Variants in DCT observed in about 807,000 individuals in gnomAD.
The protein encoded by DCT is dopachrome tautomerase.
In DCT, 47 loss-of-function variants were observed where a neutral mutation model predicts 53.0. That is an observed-to-expected ratio of 0.89 (90% CI 0.70 to 1.13). The LOEUF (loss-of-function observed/expected upper bound fraction) is 1.13, where lower values mean the gene tolerates loss of function less well. DCT is among the 50% of genes most tolerant of loss of function. DCT has a pLI of 0.00. For missense variants in DCT, 669 were observed against 637.4 expected, an observed-to-expected ratio of 1.05 and a Z score of -0.53; for synonymous variants, 244 against 237.0, an observed-to-expected ratio of 1.03 and a Z score of -0.27.
the DCT span, among the ~76,000 whole-genome samples, chr13:94,513,043 A>G: frequency 3.3e-5 from 5 of 152,230 alleles, no homozygotes; most frequent in African/African-American, 7.2e-5. Context: ...AGAACGTGCC[A>G]TTCTGTTAAG....
At position 94,445,744 on chromosome 13, in the gene DCT, T is replaced by C. The variant is rs566703183; in HGVS notation, c.1180-2107A>G. On this transcript the variant is annotated intron_variant, in intron 6 of 7. Transcript: ENST00000377028. ...CAGCACATGCAGGGAAGGGAGTTCC[T>C]TGGTCGCTTTCTCTTTTCTGTTGAG... 4.3e-5 allele frequency: 69 copies of C among 1,586,632 alleles called. No homozygotes were observed. The South Asian group carries it at 7.4e-4, about 17-fold the overall frequency.
Position 94,479,338 on chromosome 13 carries a change from GTCTTT to G in DCT, c.-88_-84del, listed in dbSNP as rs531317490. On this transcript the variant is annotated 5_prime_UTR_variant, in exon 1 of 8. Transcript: ENST00000377028. ...TTTCTCCTTATCTTCTACTCTTTCAGTCTTTTCTTTTCAGTATTTTTTATTTTTCT... is the reference window on the plus strand; with the variant it reads ...TTTCTCCTTATCTTCTACTCTTTCAGTCTTTTCAGTATTTTTTATTTTTCT... The G allele has an allele frequency of 3.3e-4, 403 of 1,214,614 alleles. No individual in the cohort carries two copies. Among genetic ancestry groups the G allele is most frequent in the East Asian group, 3.3e-3 (127 of 38,836 alleles). The allele number at this position is 1,214,614 out of a possible 1,614,324, so 75.2% of individuals were successfully genotyped here. A position where few individuals can be genotyped will look rare whatever the true frequency, so the allele number is the denominator to read the frequency against.
chr13:94,537,580 G>A, the DCT span, among the ~76,000 whole-genome samples: 2 of 152,108 alleles, frequency 1.3e-5, no homozygotes, highest in Admixed American at 6.5e-5. Context: ...GTGCTGCCAT[G>A]TTGAAGAAGA....
the DCT span, among the ~76,000 whole-genome samples, chr13:94,510,274 G>T: frequency 6.6e-6 from 1 of 152,148 alleles, no homozygotes; most frequent in East Asian, 1.9e-4. Context: ...TTGGACTAGG[G>T]TGCATCATGG....
chr13:94,514,830 T>C, the DCT span, among the ~76,000 whole-genome samples: 1 of 152,180 alleles, frequency 6.6e-6, no homozygotes, highest in Non-Finnish European at 1.5e-5. Flanking sequence ...TAATTACAGC[T>C]GTATTTTACA....
the DCT span, among the ~76,000 whole-genome samples, chr13:94,512,309 G>A: frequency 6.6e-6 from 1 of 152,138 alleles, no homozygotes; most frequent in African/African-American, 2.4e-5. Flanking sequence ...GCCTAGGACT[G>A]TGCTAAACAC....
the DCT span, among the ~76,000 whole-genome samples, chr13:94,512,603 A>G: frequency 6.6e-6 from 1 of 152,250 alleles, no homozygotes; most frequent in Non-Finnish European, 1.5e-5. Context: ...TCACCAAAAC[A>G]TTGACTCAGT....
chr13:94,478,965 G>A lies in DCT; in HGVS notation c.291C>T (p.Cys97=), dbSNP rs1208900164. The change falls in exon 1 of 8, where the codon TGC becomes TGT. Residue 97 remains cysteine, a synonymous_variant. Transcript: ENST00000377028. ...PRKFFHRTCK[C]TGNFAGYNCG... ...AGCTTGGAGCATGGGCCTCACCTGT[G>A]CACTTGCAGGTCCGGTGGAAGAATT... is the stretch of plus-strand genomic sequence containing the variant. 2 of 1,608,074 alleles carry A rather than the reference G, an allele frequency of 1.2e-6. No individual in the cohort carries two copies. The highest frequency in any genetic ancestry group is 2.7e-5 in the African/African-American group (2 of 74,870).
At chr13:94,452,360 C>A (rs1160364854) in intron 6 of DCT, among the ~76,000 whole-genome samples, 2 of 152,118 alleles carry the variant, frequency 1.3e-5, no homozygotes, top group African/African-American at 4.8e-5. Flanking sequence ...AAGAGAAATG[C>A]AAATTAAAAT....
the DCT span, among the ~76,000 whole-genome samples, chr13:94,509,119 T>C: frequency 2.0e-5 from 3 of 152,144 alleles, no homozygotes; most frequent in African/African-American, 7.2e-5. Context: ...GCAAACTGAA[T>C]GGGTATTTGG....
the DCT span, among the ~76,000 whole-genome samples, chr13:94,486,905 AACAC>A: frequency 6.6e-6 from 1 of 152,012 alleles, no homozygotes; most frequent in Non-Finnish European, 1.5e-5. Context: ...AAATAAGACA[AACAC>A]ACACACACAC....
At chr13:94,511,362 CTT>C in the DCT span, among the ~76,000 whole-genome samples, 52 of 83,494 alleles carry the variant, frequency 6.2e-4, no homozygotes, top group African/African-American at 1.9e-3. Flanking sequence ...CTCTCTCTCT[CTT>C]TTTTTTTTTT....
chr13:94,500,684 C>CT, the DCT span, among the ~76,000 whole-genome samples: 152,346 of 152,346 alleles, frequency 1, 76,173 homozygotes, highest in Non-Finnish European at 1. Flanking sequence ...AATCTCCTTG[C>CT]TTTTAAGGAT....
At chr13:94,484,638 G>T (rs186481265), upstream of DCT, among the ~76,000 whole-genome samples, 8 of 152,296 alleles carry the variant, frequency 5.3e-5, no homozygotes, top group Non-Finnish European at 1.2e-4. Context: ...TCCTCGGCTT[G>T]CAGAGAGCTT....
At chr13:94,443,912 C>A (rs1334208321) in intron 6 of DCT, among the ~76,000 whole-genome samples, 1 of 152,108 alleles carries the variant, frequency 6.6e-6, no homozygotes, top group Non-Finnish European at 1.5e-5. Flanking sequence ...ACTATAAACC[C>A]CTTTGTCAAG....
chr13:94,500,918 G>A, the DCT span, among the ~76,000 whole-genome samples: 1 of 152,156 alleles, frequency 6.6e-6, no homozygotes, highest in Admixed American at 6.5e-5. Context: ...ATTTGGTGAC[G>A]ATCCTTCCAG....
the DCT span, among the ~76,000 whole-genome samples, chr13:94,514,720 G>T: frequency 6.6e-6 from 1 of 152,010 alleles, no homozygotes; most frequent in African/African-American, 2.4e-5. Context: ...AGGCGGGAAG[G>T]GGGAAGACAA....
the DCT span, among the ~76,000 whole-genome samples, chr13:94,535,129 C>G: frequency 6.6e-6 from 1 of 152,250 alleles, no homozygotes; most frequent in Non-Finnish European, 1.5e-5. Context: ...GTTCAAATAT[C>G]TGGCCTTACT....
chr13:94,528,644 C>T, the DCT span, among the ~76,000 whole-genome samples: 1 of 151,814 alleles, frequency 6.6e-6, no homozygotes, highest in Non-Finnish European at 1.5e-5. Flanking sequence ...GAAGGAAGCA[C>T]TAAACACAGA....
Sources: gnomAD v4.1 joint callset for allele counts (sites outside exome capture counted in the v4.1 genomes callset) on GRCh38, gnomAD v4.1.1 for gene constraint, MANE v1.5 for transcripts, NCBI Gene and HGNC (gene_info 2026-07-23, HGNC 2026-07-21) for gene names.